DHX58: variants seen among roughly 807,000 people sequenced by gnomAD.
DHX58 encodes the protein DExH-box helicase 58, also known as ATP-dependent RNA helicase DHX58.
In DHX58, 51 loss-of-function variants were observed where a neutral mutation model predicts 65.0. The observed-to-expected ratio is 0.78, with a 90% CI of 0.63 to 0.99. The LOEUF is 0.99. DHX58 is among the 50% of genes least tolerant of loss of function. The pLI is 0.00. For missense variants in DHX58, 773 were observed against 891.8 expected (o/e 0.87, Z 1.70); for synonymous variants, 350 against 365.0 (o/e 0.96, Z 0.47).
In DHX58 at chr17:42,105,948, C is replaced by T; in HGVS notation, c.1039G>A (p.Glu347Lys). 6.2e-7 allele frequency: 1 copy of T among 1,613,704 alleles called. No individual in the cohort carries two copies. The highest frequency in any genetic ancestry group is 8.5e-7 in the Non-Finnish European group (1 of 1,179,972). The change falls in exon 9 of 14, where the codon GAG becomes AAG. Residue 347 changes from glutamate to lysine, a missense_variant. Glu to Lys is a moderately conservative substitution (Grantham distance 56). Coordinates refer to ENST00000251642, the MANE Select transcript of DHX58 (RefSeq NM_024119.3). ...TCCAGCATCTCCAGTTTTGGATTCTCTGGGCCATGAGTTGCCAAGTGGGCC... is the reference window on the plus strand; with the variant it reads ...TCCAGCATCTCCAGTTTTGGATTCTTTGGGCCATGAGTTGCCAAGTGGGCC... ...ELAHLATHGP[E>K]NPKLEMLEKI...
intron 11 of DHX58, 94 bp from the exon 12 acceptor site, chr17:42,103,892 T>G: frequency 7.4e-7 from 1 of 1,356,672 alleles, no homozygotes; most frequent in East Asian, 2.4e-5. Context: ...CATTTGTACC[T>G]GGAAGAGACT....
At chr17:42,104,209 G>GA (rs782078070) in intron 11 of DHX58, among the ~76,000 whole-genome samples, 451 of 142,678 alleles carry the variant, frequency 3.2e-3, no homozygotes, top group East Asian at 0.015. Flanking sequence ...CCGTCTCGGG[G>GA]AAAAAAAAAA....
chr17:42,110,141 C>T (rs1432465968), intron 5 of DHX58, among the ~76,000 whole-genome samples: 1 of 146,878 alleles, frequency 6.8e-6, no homozygotes, highest in Non-Finnish European at 1.5e-5. Flanking sequence ...GAGCCGAAAT[C>T]ATGCCACTGC....
chr17:42,103,756 G>T lies in DHX58; in HGVS notation c.1606C>A (p.Gln536Lys). ...QQAALTKRAA[Q>K]AAQRENQRQQ... ...CGCTGGTTCTCCCGCTGGGCTGCCTGGGCCGCCCGCTTGGTCAAGGCTGCC... is the reference window on the plus strand; with the variant it reads ...CGCTGGTTCTCCCGCTGGGCTGCCTTGGCCGCCCGCTTGGTCAAGGCTGCC... Residue 536 changes from glutamine (Q) to lysine (K), a missense_variant, in exon 12 of 14, where the codon CAG (glutamine) becomes AAG (lysine). Gln to Lys is a moderately conservative substitution (Grantham distance 53). Coordinates refer to ENST00000251642, the MANE Select transcript of DHX58 (RefSeq NM_024119.3). 1 of 1,611,770 alleles carries T rather than the reference G, an allele frequency of 6.2e-7. No homozygotes were observed.
rs905387350 is a variant in DHX58 at position 42,101,832 on chromosome 17, G to C, written c.1966C>G (p.Pro656Ala). 2 of 1,614,262 alleles carry C rather than the reference G, an allele frequency of 1.2e-6. No homozygotes were observed. The highest frequency in any genetic ancestry group is 1.7e-6 in the Non-Finnish European group (2 of 1,180,056). Residue 656 changes from proline (P) to alanine (A), a missense_variant, in exon 14 of 14, where the codon CCC (proline) becomes GCC (alanine). Transcript: ENST00000251642. ...AAGTCAAAGTCAGGCACGGAGAAGG[G>C]CACGCGGGACCACTTTTTGGCCTGG... is the stretch of plus-strand genomic sequence containing the variant. ...RIQAKKWSRVPFSVPDFDFLQ... is the reference protein window; with the variant it reads ...RIQAKKWSRVAFSVPDFDFLQ...
chr17:42,103,316 T>C (rs1207866465), intron 12 of DHX58: 1 of 423,698 alleles, frequency 2.4e-6, no homozygotes, highest in Non-Finnish European at 4.3e-6. Flanking sequence ...ATCTTCGGAA[T>C]AGGTAGGACC....
At position 42,108,008 on chromosome 17, in the gene DHX58, T is replaced by C; in HGVS notation, c.779A>G (p.Gln260Arg). 5 of 1,614,240 alleles carry C rather than the reference T, an allele frequency of 3.1e-6. No individual in the cohort carries two copies. Among genetic ancestry groups the C allele is most frequent in the Non-Finnish European group, 4.2e-6 (5 of 1,180,048 alleles). The stretch of plus-strand genomic sequence containing the variant: ...AGCCTCACTCAGCTTCACCACCTGC[T>C]GCTCATACATTTGCGTCCCAAATTT... ...SRKFGTQMYE[Q>R]QVVKLSEAAA... The change falls in exon 7 of 14, where the codon CAG becomes CGG. Residue 260 changes from glutamine to arginine, a missense_variant. Physicochemically the swap from Gln to Arg is conservative, Grantham distance 43. Coordinates refer to ENST00000251642, the MANE Select transcript of DHX58 (RefSeq NM_024119.3).
At chr17:42,106,923 G>A (rs552807790) in intron 8 of DHX58, among the ~76,000 whole-genome samples, 146 of 152,266 alleles carry the variant, frequency 9.6e-4, no homozygotes, top group African/African-American at 3.4e-3. Flanking sequence ...CAGTGACCAG[G>A]ATGACCCTTG....
intron 5 of DHX58, among the ~76,000 whole-genome samples, chr17:42,110,404 G>A (rs1353540913): frequency 1.3e-5 from 2 of 152,158 alleles, no homozygotes; most frequent in African/African-American, 2.4e-5. Flanking sequence ...AAAGGTCCCC[G>A]AGATGGAACA....
At chr17:42,106,186 A>AAGAGAAAGAGAGAG (rs1202521505) in intron 8 of DHX58, among the ~76,000 whole-genome samples, 197 bp from the exon 9 acceptor site, 1 of 150,998 alleles carries the variant, frequency 6.6e-6, no homozygotes, top group African/African-American at 2.4e-5. Context: ...GCAAGAAAGC[A>AAGAGAAAGAGAGAG]AGAGAAAGAG....
chr17:42,111,347 G>A lies in DHX58; in HGVS notation c.319C>T (p.Leu107=). Residue 107 remains leucine, a synonymous_variant, in exon 4 of 14, where the codon CTG becomes TTG. Transcript: ENST00000251642. ...HDLLICTAEL[L]QMALTSPEEE... ...TCGGGGCTGGTCAGTGCCATCTGCA[G>A]AAGCTCTGCTGTGCAGATGAGCAGG... 1 of 1,614,170 alleles carries A rather than the reference G, an allele frequency of 6.2e-7. No homozygotes were observed. The highest frequency in any genetic ancestry group is 8.5e-7 in the Non-Finnish European group (1 of 1,180,002).
rs781859280 is a variant in DHX58 at position 42,104,762 on chromosome 17, A to G, written c.1563+4T>C. 4.8e-5 allele frequency: 77 copies of G among 1,613,566 alleles called. No individual in the cohort carries two copies. The Middle Eastern group carries it at 8.2e-4, about 17-fold the overall frequency. ...CCCACAGGGCATGCAGGCTGCCTGC[A>G]GACCTTGGCCTGGTACTCGGCCTGG... On this transcript the variant is annotated splice_donor_region_variant and intron_variant, in intron 11 of 13. Coordinates refer to ENST00000251642, the MANE Select transcript of DHX58 (RefSeq NM_024119.3).
intron 6 of DHX58, among the ~76,000 whole-genome samples, chr17:42,108,372 C>T (rs1189222960): frequency 2.0e-5 from 3 of 152,190 alleles, no homozygotes; most frequent in East Asian, 1.9e-4. Context: ...TAGGCCGAGG[C>T]GGACATCCGG....
intron 8 of DHX58, among the ~76,000 whole-genome samples, chr17:42,106,317 G>GGAAA (rs60324801): frequency 0.27 from 39,160 of 143,222 alleles, 10,148 homozygotes; most frequent in African/African-American, 0.7. Flanking sequence ...AGGGAGGGAG[G>GGAAA]GAAAGAAAGA....
In DHX58 at chr17:42,107,594, C is replaced by A. The variant is rs113527112; in HGVS notation, c.997+10G>T. 6.4e-7 allele frequency: 1 copy of A among 1,572,034 alleles called. No individual in the cohort carries two copies. Among genetic ancestry groups the A allele is most frequent in the South Asian group, 1.2e-5 (1 of 85,764 alleles). ...CATCCCCGGCCCCGAAGCCCCCTCC[C>A]GCCCCTCACCATCGAACAGGGCCAG... On this transcript the variant is annotated intron_variant, in intron 8 of 13. Coordinates refer to ENST00000251642, the MANE Select transcript of DHX58 (RefSeq NM_024119.3).
In DHX58 at chr17:42,101,627, A is replaced by T; in HGVS notation, c.*134T>A. The T allele has an allele frequency of 8.0e-7, 1 of 1,247,010 alleles. No homozygotes were observed. Among genetic ancestry groups the T allele is most frequent in the Non-Finnish European group, 1.1e-6 (1 of 899,452 alleles). The allele number at this position is 1,247,010 out of a possible 1,614,324, so 77.2% of individuals were successfully genotyped here. A position where few individuals can be genotyped will look rare whatever the true frequency, so the allele number is the denominator to read the frequency against. On this transcript the variant is annotated 3_prime_UTR_variant, in exon 14 of 14. Transcript: ENST00000251642. ...TTTTCCCATTGCGGGAGCCTAAGCC[A>T]GGGTGCCCAGGACTCCTGTGTGGCT... is the stretch of plus-strand genomic sequence containing the variant.
At chr17:42,106,829 TGCCTCCTACCGA>T (rs1224195777) in intron 8 of DHX58, among the ~76,000 whole-genome samples, 1 of 151,296 alleles carries the variant, frequency 6.6e-6, no homozygotes, top group Non-Finnish European at 1.5e-5. Flanking sequence ...CAAAAAAGGA[TGCCTCCTACCGA>T]GCCCACTCTC....
chr17:42,104,538 A>T (rs2054024645), intron 11 of DHX58, among the ~76,000 whole-genome samples: 1 of 152,188 alleles, frequency 6.6e-6, no homozygotes, highest in South Asian at 2.1e-4. Context: ...CATGGCAAAG[A>T]TAAATAAAGA....
At chr17:42,107,572 C>A (rs1004545914) in intron 8 of DHX58, 32 bp downstream of exon 8, 1 of 1,516,680 alleles carries the variant, frequency 6.6e-7, no homozygotes. Flanking sequence ...GTCCCATCAT[C>A]CCCGGCCCCG....
Sources: allele counts gnomAD v4.1 joint callset (sites outside exome capture counted in the v4.1 genomes callset), GRCh38; gene constraint gnomAD v4.1.1; transcripts MANE v1.5; gene names NCBI Gene and HGNC (gene_info 2026-07-23, HGNC 2026-07-21).